The following SLC44A5 variants were observed in gnomAD, a reference collection of about 807,000 sequenced individuals.
SLC44A5 encodes the protein solute carrier family 44 member 5.
A neutral mutation model predicts 101.8 loss-of-function variants in SLC44A5; 57 were observed. The observed-to-expected ratio is 0.56, with a 90% CI of 0.45 to 0.70. SLC44A5 has a LOEUF of 0.70. Among genes scored for constraint, SLC44A5 ranks in the 30% least tolerant of loss-of-function variants. The pLI is 0.00. For missense variants in SLC44A5, 737 were observed against 853.1 expected (o/e 0.86, Z 1.70); for synonymous variants, 281 against 290.9 (o/e 0.97, Z 0.35).
At chr1:75,637,772 A>C in the SLC44A5 span, among the ~76,000 whole-genome samples, 1 of 152,056 alleles carries the variant, frequency 6.6e-6, no homozygotes, top group Non-Finnish European at 1.5e-5. Flanking sequence ...GGAGTGGAGA[A>C]GACAAATTAA....
At chr1:75,423,226 C>T (rs997715959) in intron 2 of SLC44A5, among the ~76,000 whole-genome samples, 1 of 152,136 alleles carries the variant, frequency 6.6e-6, no homozygotes, top group Admixed American at 6.6e-5. Context: ...ATACATACAC[C>T]GTGAAACAAC....
At chr1:75,650,815 A>G in the SLC44A5 span, among the ~76,000 whole-genome samples, 1 of 152,118 alleles carries the variant, frequency 6.6e-6, no homozygotes, top group East Asian at 1.9e-4. Flanking sequence ...ACTGATCTGA[A>G]ACTCCTGGGC....
At chr1:75,610,503 G>A (rs1054397614) in intron 1 of SLC44A5, among the ~76,000 whole-genome samples, 1 of 151,978 alleles carries the variant, frequency 6.6e-6, no homozygotes, top group African/African-American at 2.4e-5. Context: ...ATGGCATCTG[G>A]TTTCCCCAAA....
At chr1:75,490,631 T>G (rs1216500191) in intron 2 of SLC44A5, among the ~76,000 whole-genome samples, 1 of 152,204 alleles carries the variant, frequency 6.6e-6, no homozygotes, top group Non-Finnish European at 1.5e-5. Context: ...CTTGCCACTA[T>G]TGTTCATTGA....
chr1:75,628,495 T>C, the SLC44A5 span, among the ~76,000 whole-genome samples: 1 of 152,206 alleles, frequency 6.6e-6, no homozygotes, highest in Middle Eastern at 3.2e-3. Flanking sequence ...CACTTAAACA[T>C]TATGACCTTT....
chr1:75,454,875 A>C (rs1243291581), intron 2 of SLC44A5, among the ~76,000 whole-genome samples: 1 of 152,164 alleles, frequency 6.6e-6, no homozygotes, highest in Non-Finnish European at 1.5e-5. Context: ...CTGCTAAAGA[A>C]ATCATAGAGA....
At chr1:75,472,981 G>T (rs1667191301) in intron 2 of SLC44A5, among the ~76,000 whole-genome samples, 1 of 152,100 alleles carries the variant, frequency 6.6e-6, no homozygotes, top group African/African-American at 2.4e-5. Context: ...AACCTCAAAG[G>T]TAACTGGCTA....
chr1:75,527,264 GAA>G (rs1411719669), intron 2 of SLC44A5, among the ~76,000 whole-genome samples: 5 of 144,186 alleles, frequency 3.5e-5, no homozygotes, highest in Non-Finnish European at 6.1e-5. Context: ...GAAAGAGAGA[GAA>G]AGTTAGAAAG....
At chr1:75,450,515 G>A (rs1234652709) in intron 2 of SLC44A5, among the ~76,000 whole-genome samples, 1 of 152,178 alleles carries the variant, frequency 6.6e-6, no homozygotes, top group Non-Finnish European at 1.5e-5. Flanking sequence ...CAAGAACTGT[G>A]GAACACACCT....
chr1:75,657,288 C>T, the SLC44A5 span, among the ~76,000 whole-genome samples: 1 of 152,144 alleles, frequency 6.6e-6, no homozygotes, highest in Admixed American at 6.6e-5. Context: ...GTGGTTCATA[C>T]ATGTAATACC....
At chr1:75,302,662 A>T (rs960136439) in intron 4 of SLC44A5, among the ~76,000 whole-genome samples, 2 of 152,224 alleles carry the variant, frequency 1.3e-5, no homozygotes, top group Non-Finnish European at 2.9e-5. Context: ...AACAATAACT[A>T]ATAATAAAAT....
intron 1 of SLC44A5, among the ~76,000 whole-genome samples, chr1:75,545,786 C>T (rs1671612683): frequency 6.6e-6 from 1 of 151,098 alleles, no homozygotes; most frequent in Non-Finnish European, 1.5e-5. Flanking sequence ...ACTATTTCTT[C>T]TACATTTATT....
chr1:75,489,426 G>A (rs1042587365), intron 2 of SLC44A5, among the ~76,000 whole-genome samples: 4 of 152,084 alleles, frequency 2.6e-5, no homozygotes, highest in African/African-American at 4.8e-5. Context: ...CTGTCTTTAC[G>A]CTCACCCTGT....
chr1:75,284,522 C>T (rs747147287), intron 5 of SLC44A5, among the ~76,000 whole-genome samples: 2 of 152,102 alleles, frequency 1.3e-5, no homozygotes, highest in African/African-American at 2.4e-5. Context: ...TCTGGTTACT[C>T]TGGCTAGGAC....
rs1480441701 is a variant in SLC44A5, at chr1:75,378,717, C to A, written c.52+17866G>T. 2.5e-5 allele frequency among the ~76,000 whole-genome samples: 2 copies of A among 79,266 alleles called. 1 individual carries two copies. Among genetic ancestry groups the A allele is most frequent in the Non-Finnish European group, 4.3e-5 (2 of 47,048 alleles). The allele number at this position is 79,266 out of a possible 152,430, so 52.0% of individuals were successfully genotyped here. A position where few individuals can be genotyped will look rare whatever the true frequency, so the allele number is the denominator to read the frequency against. The stretch of plus-strand genomic sequence containing the variant: ...AAAGGTCCAGAATTAATGGGGCCAT[C>A]AGAGTCTAAACCACGAGGCACAAGT... On this transcript the variant is annotated intron_variant, in intron 3 of 23. Transcript: ENST00000370859.
intron 2 of SLC44A5, among the ~76,000 whole-genome samples, chr1:75,397,978 T>G (rs1488047225): frequency 1.3e-5 from 2 of 152,174 alleles, no homozygotes; most frequent in Non-Finnish European, 1.5e-5. Flanking sequence ...ACTTACCATT[T>G]AAAAAGCTAA....
intron 5 of SLC44A5, among the ~76,000 whole-genome samples, chr1:75,285,015 C>T (rs1174017464): frequency 6.6e-6 from 1 of 151,956 alleles, no homozygotes; most frequent in Non-Finnish European, 1.5e-5. Context: ...TAGGGTGATA[C>T]TGGCTTCATA....
the SLC44A5 span, among the ~76,000 whole-genome samples, chr1:75,721,023 C>G: frequency 6.6e-6 from 1 of 152,036 alleles, no homozygotes; most frequent in Non-Finnish European, 1.5e-5. Flanking sequence ...GCAAAGGAAG[C>G]CTTCAGGTGA....
At chr1:75,392,247 A>C (rs926324552) in intron 3 of SLC44A5, among the ~76,000 whole-genome samples, 1 of 152,216 alleles carries the variant, frequency 6.6e-6, no homozygotes, top group African/African-American at 2.4e-5. Context: ...ACATAATGGG[A>C]TAAAATATTA....
Sources: gnomAD v4.1 joint callset for allele counts (sites outside exome capture counted in the v4.1 genomes callset) on GRCh38, gnomAD v4.1.1 for gene constraint, MANE v1.5 for transcripts, NCBI Gene and HGNC (gene_info 2026-07-23, HGNC 2026-07-21) for gene names.